The following HTR2C variants were observed in gnomAD, a reference collection of about 807,000 sequenced individuals.
HTR2C encodes 5-hydroxytryptamine receptor 2C, also known as 5-hydroxytryptamine (serotonin) receptor 2C, G protein-coupled.
Under a neutral mutation model 21.0 loss-of-function variants are expected in HTR2C, and 5 were observed. The observed-to-expected ratio is 0.24, with a 90% CI of 0.12 to 0.50. The LOEUF (loss-of-function observed/expected upper bound fraction) is 0.50, where lower values mean the gene tolerates loss of function less well. Ranked by LOEUF, HTR2C falls within the 20% of genes least tolerant of loss-of-function variation. The pLI is 0.98. For synonymous variants in HTR2C, 150 were observed against 145.3 expected (o/e 1.03, Z -0.23); for missense variants, 271 against 371.2 (o/e 0.73, Z 2.22).
At chrX:114,774,691 A>G (rs781976112) in intron 4 of HTR2C, 5 of 282,439 alleles carry the variant, frequency 1.8e-5, no homozygotes, top group Admixed American at 1.8e-4. Context: ...CACATGTTGC[A>G]TATTCAAGTA....
intron 5 of HTR2C, among the ~76,000 whole-genome samples, chrX:114,892,097 T>C (rs2071262954): frequency 9.0e-6 from 1 of 111,717 alleles, no homozygotes; most frequent in Non-Finnish European, 1.9e-5. Context: ...ACTGAGGATC[T>C]GTACATCTAT....
intron 5 of HTR2C, among the ~76,000 whole-genome samples, chrX:114,868,382 C>T (rs782739421): frequency 9.0e-6 from 1 of 110,978 alleles, no homozygotes; most frequent in East Asian, 2.8e-4. Flanking sequence ...ATGTCAAAAA[C>T]ATTGTGGATG....
intron 2 of HTR2C, among the ~76,000 whole-genome samples, chrX:114,630,151 A>G (rs1305399177): frequency 1.8e-5 from 2 of 111,999 alleles, no homozygotes; most frequent in Non-Finnish European, 3.8e-5. Context: ...AAACAATTCA[A>G]GGATAGTGAT....
intron 5 of HTR2C, among the ~76,000 whole-genome samples, chrX:114,876,647 G>A (rs782500793): frequency 1.8e-5 from 2 of 109,414 alleles, no homozygotes; most frequent in Non-Finnish European, 3.8e-5. Context: ...CATCATAAAA[G>A]AATATTGAAT....
At chrX:114,853,839 G>A (rs782810278) in intron 5 of HTR2C, among the ~76,000 whole-genome samples, 3 of 111,630 alleles carry the variant, frequency 2.7e-5, no homozygotes, top group East Asian at 2.8e-4. Context: ...CCATATTAAC[G>A]TTAACATTAA....
chrX:114,628,436 T>G (rs1232935812), intron 2 of HTR2C, among the ~76,000 whole-genome samples: 3 of 97,125 alleles, frequency 3.1e-5, no homozygotes, highest in African/African-American at 1.1e-4. Flanking sequence ...TTTTTGCATT[T>G]TTGGTAGAGA....
intron 5 of HTR2C, among the ~76,000 whole-genome samples, chrX:114,903,972 G>A (rs968631018): frequency 9.0e-6 from 1 of 111,709 alleles, no homozygotes; most frequent in African/African-American, 3.3e-5. Flanking sequence ...AACCTGGAAA[G>A]GTATAACAGA....
chrX:114,847,415 C>T (rs781958298), intron 4 of HTR2C, among the ~76,000 whole-genome samples: 2 of 70,997 alleles, frequency 2.8e-5, no homozygotes, highest in Admixed American at 2.2e-4. Context: ...GGAAGGGGAA[C>T]ATCACACTCT....
At chrX:114,749,952 C>G (rs2147366470) in intron 4 of HTR2C, among the ~76,000 whole-genome samples, 1 of 111,733 alleles carries the variant, frequency 8.9e-6, no homozygotes, top group African/African-American at 3.2e-5. Context: ...AATTCCTATA[C>G]AGATAACAGA....
chrX:114,787,933 C>A (rs1165060220), intron 4 of HTR2C, among the ~76,000 whole-genome samples: 8 of 91,416 alleles, frequency 8.8e-5, no homozygotes, highest in Non-Finnish European at 1.7e-4. Context: ...GGCAACAGAG[C>A]GAGACTCTGT....
intron 2 of HTR2C, among the ~76,000 whole-genome samples, chrX:114,685,788 G>A (rs782494063): frequency 8.9e-6 from 1 of 112,043 alleles, no homozygotes; most frequent in South Asian, 3.7e-4. Context: ...ATGAGGATTG[G>A]ATTAACTATT....
chrX:114,876,990 G>C (rs1397475716), intron 5 of HTR2C, among the ~76,000 whole-genome samples: 3 of 111,158 alleles, frequency 2.7e-5, no homozygotes, highest in African/African-American at 9.8e-5. Context: ...CTTTCATCTT[G>C]AATTTTGTGA....
At chrX:114,884,134 T>G (rs962162385) in intron 5 of HTR2C, among the ~76,000 whole-genome samples, 2 of 111,229 alleles carry the variant, frequency 1.8e-5, no homozygotes, top group Non-Finnish European at 3.8e-5. Context: ...GAGTAATATT[T>G]CATTGTGTAT....
chrX:114,613,314 A>G (rs1175727366), intron 1 of HTR2C, among the ~76,000 whole-genome samples: 1 of 111,818 alleles, frequency 8.9e-6, no homozygotes, highest in Admixed American at 9.5e-5. Flanking sequence ...TCCCCTTTTT[A>G]GACCATGTAA....
rs782792145 is a variant in HTR2C at position 114,639,792 on chromosome X, T to G, written c.-80+25911T>G. 1.8e-4 allele frequency among the ~76,000 whole-genome samples: 20 copies of G among 111,948 alleles called. No individual in the cohort carries two copies. In the South Asian group the frequency reaches 1.8e-3, roughly 10 times the overall value. On this transcript the variant is annotated intron_variant, in intron 2 of 5. Coordinates refer to ENST00000276198, the MANE Select transcript of HTR2C (RefSeq NM_000868.4). ...CAAAAATAAACAGCGGTAAAGGGAC[T>G]GAGATTCTTGATTTTTAACTTTGTA... is the stretch of plus-strand genomic sequence containing the variant.
At chrX:114,695,537 A>G (rs1932254633) in intron 2 of HTR2C, among the ~76,000 whole-genome samples, 1 of 112,404 alleles carries the variant, frequency 8.9e-6, no homozygotes, top group African/African-American at 3.2e-5. Flanking sequence ...GTTCATTTTA[A>G]TAAACACAAA....
At chrX:114,870,093 A>ATTT (rs111579225) in intron 5 of HTR2C, among the ~76,000 whole-genome samples, 5,379 of 99,084 alleles carry the variant, frequency 0.054, 142 homozygotes, top group Non-Finnish European at 0.079. Flanking sequence ...TATTATTATT[A>ATTT]TTATTTTTTT....
At chrX:114,727,614 A>C (rs1382616573) in intron 3 of HTR2C, among the ~76,000 whole-genome samples, 1 of 112,254 alleles carries the variant, frequency 8.9e-6, no homozygotes, top group African/African-American at 3.2e-5. Flanking sequence ...GGAACGAAGC[A>C]TAGAAAAAAA....
intron 5 of HTR2C, among the ~76,000 whole-genome samples, chrX:114,884,738 A>G (rs997992627): frequency 1.8e-5 from 2 of 111,855 alleles, no homozygotes; most frequent in Non-Finnish European, 3.8e-5. Flanking sequence ...TATGGAAACC[A>G]GTATGAAGGT....
Sources: allele counts gnomAD v4.1 joint callset (sites outside exome capture counted in the v4.1 genomes callset), GRCh38; gene constraint gnomAD v4.1.1; transcripts MANE v1.5; gene names NCBI Gene and HGNC (gene_info 2026-07-23, HGNC 2026-07-21).